CTNNA2: variants seen among roughly 807,000 people sequenced by gnomAD.
CTNNA2 encodes catenin alpha 2, also known as catenin alpha-2.
Under a neutral mutation model 101.0 loss-of-function variants are expected in CTNNA2, and 42 were observed. That is an observed-to-expected ratio of 0.42 (90% CI 0.32 to 0.54). The LOEUF is 0.54. Among genes scored for constraint, CTNNA2 ranks in the 20% least tolerant of loss-of-function variants. The pLI is 0.14. For synonymous variants in CTNNA2, 450 were observed against 456.4 expected (o/e 0.99, Z 0.18); for missense variants, 871 against 1,223.1 (o/e 0.71, Z 4.29).
At chr2:79,963,825 A>C (rs1689833345) in intron 7 of CTNNA2, among the ~76,000 whole-genome samples, 1 of 152,204 alleles carries the variant, frequency 6.6e-6, no homozygotes, top group Admixed American at 6.5e-5. Context: ...AAGCACAGCC[A>C]AACCCCTGCC....
intron 4 of CTNNA2, among the ~76,000 whole-genome samples, chr2:79,374,925 AT>A (rs1677949608): frequency 6.6e-6 from 1 of 152,136 alleles, no homozygotes; most frequent in Non-Finnish European, 1.5e-5. Context: ...CCAATTTACA[AT>A]CTAATAAAAA....
chr2:79,691,698 C>G (rs970909042), intron 2 of CTNNA2, among the ~76,000 whole-genome samples: 1 of 151,976 alleles, frequency 6.6e-6, no homozygotes, highest in Non-Finnish European at 1.5e-5. Context: ...TGGAACAGAA[C>G]AGAGGCCTCA....
intron 7 of CTNNA2, among the ~76,000 whole-genome samples, chr2:80,054,135 A>G (rs1458159465): frequency 6.6e-6 from 1 of 152,282 alleles, no homozygotes; most frequent in African/African-American, 2.4e-5. Context: ...GCCACTGCTC[A>G]GTTTATGAAA....
chr2:80,638,932 A>G (rs573823559), intron 18 of CTNNA2, among the ~76,000 whole-genome samples: 1 of 152,318 alleles, frequency 6.6e-6, no homozygotes, highest in African/African-American at 2.4e-5. Context: ...CCTTCCTGCC[A>G]AGGTCTTTGC....
chr2:80,255,692 T>A (rs999743994), intron 7 of CTNNA2, among the ~76,000 whole-genome samples: 1 of 152,164 alleles, frequency 6.6e-6, no homozygotes, highest in Non-Finnish European at 1.5e-5. Context: ...AAAAATAAGT[T>A]GAAAGAAAGC....
chr2:80,020,527 T>A (rs756820007), intron 7 of CTNNA2, among the ~76,000 whole-genome samples: 7 of 152,186 alleles, frequency 4.6e-5, no homozygotes, highest in African/African-American at 7.2e-5. Context: ...ATCATGATTA[T>A]CAAGCTCACA....
At chr2:79,906,541 T>C (rs1159189816) in intron 6 of CTNNA2, among the ~76,000 whole-genome samples, 1 of 152,224 alleles carries the variant, frequency 6.6e-6, no homozygotes, top group Admixed American at 6.5e-5. Context: ...TTTAAAAAGC[T>C]TTTCCACTGT....
At chr2:80,011,544 A>G (rs1025837946) in intron 7 of CTNNA2, among the ~76,000 whole-genome samples, 11 of 152,176 alleles carry the variant, frequency 7.2e-5, no homozygotes, top group Non-Finnish European at 1.3e-4. Context: ...GAACATCAAC[A>G]TTCTAGCGCT....
intron 1 of CTNNA2, among the ~76,000 whole-genome samples, chr2:79,546,413 A>G (rs1026902362): frequency 2.6e-5 from 4 of 152,196 alleles, no homozygotes; most frequent in African/African-American, 4.8e-5. Flanking sequence ...AGTAGAATAG[A>G]GAAACCATCT....
chr2:79,669,727 G>A (rs1405368522), intron 2 of CTNNA2, among the ~76,000 whole-genome samples: 1 of 152,178 alleles, frequency 6.6e-6, no homozygotes, highest in Non-Finnish European at 1.5e-5. Context: ...TGAAGAGGGT[G>A]CTCCTCTCTG....
chr2:80,264,624 C>A (rs1672869280), intron 7 of CTNNA2, among the ~76,000 whole-genome samples: 1 of 152,138 alleles, frequency 6.6e-6, no homozygotes, highest in South Asian at 2.1e-4. Flanking sequence ...CCTAAAATCC[C>A]TTAGCTTTTC....
chr2:79,347,653 A>G (rs1452742729), intron 3 of CTNNA2, among the ~76,000 whole-genome samples: 2 of 152,166 alleles, frequency 1.3e-5, no homozygotes, highest in Non-Finnish European at 2.9e-5. Context: ...TTACATGTAC[A>G]TACTGACTGG....
intron 4 of CTNNA2, among the ~76,000 whole-genome samples, chr2:79,394,128 T>A (rs548326652): frequency 6.6e-6 from 1 of 152,164 alleles, no homozygotes; most frequent in African/African-American, 2.4e-5. Flanking sequence ...AAGAGGCTTT[T>A]ACGTGCATTA....
intron 2 of CTNNA2, among the ~76,000 whole-genome samples, chr2:79,203,039 C>T (rs1038812379): frequency 6.6e-6 from 1 of 152,172 alleles, no homozygotes; most frequent in African/African-American, 2.4e-5. Context: ...TCTTTCTTCC[C>T]TGCCATTTTC....
At chr2:79,554,653 T>C (rs899014830) in intron 1 of CTNNA2, among the ~76,000 whole-genome samples, 3 of 152,030 alleles carry the variant, frequency 2.0e-5, no homozygotes, top group African/African-American at 7.2e-5. Context: ...CTAGAAAAAG[T>C]GAAAAATAGA....
chr2:80,177,641 T>A lies in CTNNA2; in HGVS notation c.1057-215570T>A, dbSNP rs530939456. ...TGAGTGGTGCACATAGAACAAGTCA[T>A]CCTTTCCACTTGATTATTAAAATCC... On this transcript the variant is annotated intron_variant, in intron 7 of 18. Coordinates refer to ENST00000402739, the MANE Select transcript of CTNNA2 (RefSeq NM_001282597.3). Among the ~76,000 whole-genome samples, 3 of 152,242 alleles carry A rather than the reference T, an allele frequency of 2.0e-5. No homozygotes were observed. The South Asian group carries it at 6.2e-4, about 32-fold the overall frequency.
chr2:80,308,317 C>G (rs2149221437), intron 7 of CTNNA2, among the ~76,000 whole-genome samples: 1 of 152,262 alleles, frequency 6.6e-6, no homozygotes, highest in Admixed American at 6.5e-5. Flanking sequence ...TGTCAATGTT[C>G]AAGGAAGGAA....
chr2:80,622,806 G>A (rs1255936074), intron 18 of CTNNA2, among the ~76,000 whole-genome samples: 3 of 151,630 alleles, frequency 2.0e-5, no homozygotes, highest in South Asian at 2.1e-4. Flanking sequence ...GGAATTCCAC[G>A]ATTAGAACTG....
intron 18 of CTNNA2, among the ~76,000 whole-genome samples, chr2:80,644,308 T>G (rs1339563789): frequency 6.6e-6 from 1 of 152,186 alleles, no homozygotes; most frequent in Non-Finnish European, 1.5e-5. Context: ...AGGCGTCTAG[T>G]AAGTGCTCAC....
Sources: gnomAD v4.1 joint callset for allele counts (sites outside exome capture counted in the v4.1 genomes callset) on GRCh38, gnomAD v4.1.1 for gene constraint, MANE v1.5 for transcripts, NCBI Gene and HGNC (gene_info 2026-07-23, HGNC 2026-07-21) for gene names.